AGMO: variants seen among roughly 807,000 people sequenced by gnomAD.
The protein encoded by AGMO is alkylglycerol monooxygenase.
AGMO carries 75 observed loss-of-function variants against 60.2 expected under a neutral mutation model. That is an observed-to-expected ratio of 1.25 (90% CI 1.03 to 1.51). The LOEUF is 1.51. Ranked by LOEUF, AGMO falls within the 40% of genes most tolerant of loss-of-function variation. AGMO has a pLI of 0.00. For synonymous variants in AGMO, 261 were observed against 177.1 expected, an observed-to-expected ratio of 1.47 and a Z score of -3.76; for missense variants, 763 against 525.5, an observed-to-expected ratio of 1.45 and a Z score of -4.42.
chr7:15,250,100 T>C (rs1365432638), intron 12 of AGMO, among the ~76,000 whole-genome samples: 1 of 152,212 alleles, frequency 6.6e-6, no homozygotes, highest in Non-Finnish European at 1.5e-5. Context: ...TTAATATAAT[T>C]GTGCTGTTAT....
At chr7:15,497,946 G>A (rs1413878394) in intron 3 of AGMO, among the ~76,000 whole-genome samples, 1 of 151,948 alleles carries the variant, frequency 6.6e-6, no homozygotes, top group African/African-American at 2.4e-5. Flanking sequence ...ATACTTTTAT[G>A]GGCATCATAT....
intron 3 of AGMO, among the ~76,000 whole-genome samples, chr7:15,503,080 C>G (rs1783428619): frequency 6.6e-6 from 1 of 152,046 alleles, no homozygotes; most frequent in Non-Finnish European, 1.5e-5. Flanking sequence ...GACAAACTGA[C>G]CCACCACTTT....
At chr7:15,199,497 G>C (rs1033715561), downstream of AGMO, among the ~76,000 whole-genome samples, 3 of 152,082 alleles carry the variant, frequency 2.0e-5, no homozygotes, top group African/African-American at 4.8e-5. Context: ...ATTCCTTGGG[G>C]AATCATTAAG....
chr7:15,177,857 TAAAG>T, the AGMO span, among the ~76,000 whole-genome samples: 2 of 152,256 alleles, frequency 1.3e-5, no homozygotes, highest in East Asian at 3.9e-4. Context: ...TAAAAATCAA[TAAAG>T]AGTGTTTACT....
At chr7:15,261,199 A>C (rs1325013300) in intron 12 of AGMO, among the ~76,000 whole-genome samples, 1 of 152,140 alleles carries the variant, frequency 6.6e-6, no homozygotes, top group African/African-American at 2.4e-5. Context: ...AAAAAATACA[A>C]AAGATAAATT....
At chr7:15,331,888 C>G (rs953050225) in intron 12 of AGMO, among the ~76,000 whole-genome samples, 3 of 151,576 alleles carry the variant, frequency 2.0e-5, no homozygotes, top group Admixed American at 6.6e-5. Flanking sequence ...ATCACACCAT[C>G]GCACTCCAGC....
At chr7:15,495,708 A>C (rs1783203255) in intron 3 of AGMO, among the ~76,000 whole-genome samples, 1 of 152,180 alleles carries the variant, frequency 6.6e-6, no homozygotes, top group Admixed American at 6.5e-5. Flanking sequence ...GTCCAAGATC[A>C]AGGTTCTAGC....
intron 3 of AGMO, among the ~76,000 whole-genome samples, chr7:15,533,607 T>A (rs565243271): frequency 5.7e-4 from 87 of 152,278 alleles, no homozygotes; most frequent in Non-Finnish European, 1.0e-3. Context: ...AGAGTCAGAT[T>A]TTTTCCTGAG....
At chr7:15,436,484 C>T (rs1781408565) in intron 3 of AGMO, among the ~76,000 whole-genome samples, 1 of 152,146 alleles carries the variant, frequency 6.6e-6, no homozygotes, top group Admixed American at 6.5e-5. Flanking sequence ...GCTTTCATGA[C>T]CTAAACACCT....
At chr7:15,188,064 C>A in the AGMO span, among the ~76,000 whole-genome samples, 1 of 152,158 alleles carries the variant, frequency 6.6e-6, no homozygotes, top group Non-Finnish European at 1.5e-5. Flanking sequence ...AGACCCGCTG[C>A]CATGAACGAG....
At chr7:15,319,719 T>C (rs546182063) in intron 12 of AGMO, among the ~76,000 whole-genome samples, 32 of 152,118 alleles carry the variant, frequency 2.1e-4, no homozygotes, top group African/African-American at 7.5e-4. Context: ...ATTCCATTAG[T>C]AAGCAGCAAG....
chr7:15,497,777 A>C (rs925642362), intron 3 of AGMO, among the ~76,000 whole-genome samples: 2 of 152,074 alleles, frequency 1.3e-5, no homozygotes, highest in African/African-American at 4.8e-5. Flanking sequence ...AGCCTACAAA[A>C]ATCAACATAA....
the AGMO span, among the ~76,000 whole-genome samples, chr7:15,123,710 G>C: frequency 6.6e-6 from 1 of 151,760 alleles, no homozygotes; most frequent in Non-Finnish European, 1.5e-5. Flanking sequence ...GTTTGAGCCT[G>C]GTCATTATGC....
rs538033160 is a variant in AGMO at position 15,299,553 on chromosome 7, C to T, written c.1263+65961G>A. On this transcript the variant is annotated intron_variant, in intron 12 of 12. Coordinates refer to ENST00000342526, the MANE Select transcript of AGMO (RefSeq NM_001004320.2). ...GAAGTATATATTATATGGCCAGGTG[C>T]GGTGGCTCATGTCTGTAATTCTAGC... 3.3e-5 allele frequency among the ~76,000 whole-genome samples: 5 copies of T among 152,070 alleles called. No individual in the cohort carries two copies. The East Asian group carries it at 5.8e-4, about 18-fold the overall frequency.
rs558628153 is a variant in AGMO at position 15,281,454 on chromosome 7, T to C, written c.1264-80095A>G. Among the ~76,000 whole-genome samples the C allele has an allele frequency of 2.0e-3, 308 of 152,240 alleles. 1 individual carries two copies. The highest frequency in any genetic ancestry group is 7.0e-3 in the African/African-American group (290 of 41,528). Reference sequence around the variant, plus strand: ...AAGGAGTACAGTCACAATTCCTCTCTACTTGGAAAATCAACATTCCTGTAG... The same window carrying C: ...AAGGAGTACAGTCACAATTCCTCTCCACTTGGAAAATCAACATTCCTGTAG... On this transcript the variant is annotated intron_variant, in intron 12 of 12. Transcript: ENST00000342526.
At chr7:15,333,047 C>T (rs961292182) in intron 12 of AGMO, among the ~76,000 whole-genome samples, 11 of 152,238 alleles carry the variant, frequency 7.2e-5, no homozygotes, top group African/African-American at 2.4e-4. Context: ...ATAGTCCAAG[C>T]TTATAACCAG....
intron 10 of AGMO, among the ~76,000 whole-genome samples, chr7:15,369,224 T>A (rs1783104547): frequency 6.6e-6 from 1 of 151,920 alleles, no homozygotes; most frequent in Admixed American, 6.6e-5. Flanking sequence ...CCCTAACTGG[T>A]CTTCCTACTT....
the AGMO span, among the ~76,000 whole-genome samples, chr7:15,175,264 A>G: frequency 1.3e-5 from 2 of 151,976 alleles, no homozygotes; most frequent in African/African-American, 4.8e-5. Flanking sequence ...GTCAGTATCA[A>G]AAAAGAAAAG....
chr7:15,179,563 C>A, the AGMO span, among the ~76,000 whole-genome samples: 1 of 152,160 alleles, frequency 6.6e-6, no homozygotes, highest in Admixed American at 6.5e-5. Flanking sequence ...TCTCAGGCAG[C>A]CCTACCCCTT....
Sources: allele counts gnomAD v4.1 joint callset (sites outside exome capture counted in the v4.1 genomes callset), GRCh38; gene constraint gnomAD v4.1.1; transcripts MANE v1.5; gene names NCBI Gene and HGNC (gene_info 2026-07-23, HGNC 2026-07-21).